Variants in CCDC81 observed in about 807,000 individuals in gnomAD.
The protein encoded by CCDC81 is coiled-coil domain containing 81.
Under a neutral mutation model 83.7 loss-of-function variants are expected in CCDC81, and 79 were observed. The ratio of observed to expected loss-of-function variants is 0.94; its 90% CI spans 0.79 to 1.14. The LOEUF is 1.14. Among genes scored for constraint, CCDC81 ranks in the 50% most tolerant of loss-of-function variants. The pLI, the probability that CCDC81 is intolerant of heterozygous loss-of-function variation, is 0.00. For missense variants in CCDC81, 791 were observed against 778.1 expected (o/e 1.02, Z -0.20); for synonymous variants, 252 against 278.1 (o/e 0.91, Z 0.93).
chr11:86,389,951 A>G (rs755224951), intron 3 of CCDC81, among the ~76,000 whole-genome samples: 1 of 152,084 alleles, frequency 6.6e-6, no homozygotes, highest in Admixed American at 6.5e-5. Flanking sequence ...TAAAAATACA[A>G]AAAACTAGCT....
At chr11:86,390,484 G>A (rs1948312627) in intron 3 of CCDC81, among the ~76,000 whole-genome samples, 1 of 152,180 alleles carries the variant, frequency 6.6e-6, no homozygotes, top group Non-Finnish European at 1.5e-5. Context: ...TAGGCACTGA[G>A]GAGCCATTGA....
rs140461165 is a variant in CCDC81, at chr11:86,410,505, C to T, written c.1218+1140C>T. Among the ~76,000 whole-genome samples the T allele has an allele frequency of 3.3e-3, 505 of 152,180 alleles. 2 individuals are homozygous for T. The highest frequency in any genetic ancestry group is 0.012 in the African/African-American group (480 of 41,514). On this transcript the variant is annotated intron_variant, in intron 10 of 14. Coordinates refer to ENST00000445632, the MANE Select transcript of CCDC81 (RefSeq NM_001156474.2). ...AGATCTGGAAAGACTTTCTGACATA[C>T]AAGAGTTAGGTAAAGAAATCAAGGG...
At chr11:86,410,001 C>A (rs2138532814) in intron 10 of CCDC81, among the ~76,000 whole-genome samples, 1 of 152,318 alleles carries the variant, frequency 6.6e-6, no homozygotes, top group African/African-American at 2.4e-5. Flanking sequence ...TCAGCATTGC[C>A]TGGGAACTTG....
intron 11 of CCDC81, 143 bp downstream of exon 11, chr11:86,412,702 C>A (rs1948662857): frequency 2.6e-6 from 2 of 759,434 alleles, no homozygotes; most frequent in Non-Finnish European, 4.2e-6. Context: ...GCAGCCAGTA[C>A]TGAAATGGGA....
chr11:86,386,031 TG>T lies in CCDC81; in HGVS notation c.80-18del. On this transcript the variant is annotated intron_variant, in intron 1 of 14. Coordinates refer to ENST00000445632, the MANE Select transcript of CCDC81 (RefSeq NM_001156474.2). ...GTGCGCATATAAATTGAATAATTTC[TG>T]GTTACTTTTGAATTTCAGAAGTCTC... 1 of 1,412,314 alleles carries T rather than the reference TG, an allele frequency of 7.1e-7. No homozygotes were observed. Among genetic ancestry groups the T allele is most frequent in the South Asian group, 1.2e-5 (1 of 80,052 alleles). 87.5% of individuals were successfully genotyped at this position (1,412,314 alleles called of 1,614,324 possible). A position where few individuals can be genotyped will look rare whatever the true frequency, so the allele number is the denominator to read the frequency against.
chr11:86,386,071 A>G lies in CCDC81; in HGVS notation c.100A>G (p.Asn34Asp). 6.6e-7 allele frequency: 1 copy of G among 1,522,380 alleles called. No homozygotes were observed. Among genetic ancestry groups the G allele is most frequent in the South Asian group, 1.2e-5 (1 of 80,118 alleles). The allele number at this position is 1,522,380 out of a possible 1,614,324, so 94.3% of individuals were successfully genotyped here. The change falls in exon 2 of 15, where the codon AAT (asparagine) becomes GAT (aspartate). Residue 34 changes from asparagine (N) to aspartate (D), a missense_variant. By Grantham distance (23) the Asn-to-Asp change is conservative. Coordinates refer to ENST00000445632, the MANE Select transcript of CCDC81 (RefSeq NM_001156474.2). ...TTCAGAAGTCTCTATTATCTGGGGG[A>G]ATGTATCAGAATTTGTGAGACGGCA... ...SQEEVSIIWG[N>D]VSEFVRRQLT...
chr11:86,417,757 TG>T (rs1161301275), intron 13 of CCDC81, among the ~76,000 whole-genome samples: 2 of 151,952 alleles, frequency 1.3e-5, no homozygotes, highest in Non-Finnish European at 2.9e-5. Flanking sequence ...TTTTTTTTTT[TG>T]TTTTTTTGAG....
intron 7 of CCDC81, among the ~76,000 whole-genome samples, chr11:86,407,237 G>A (rs1948576934): frequency 6.6e-6 from 1 of 152,202 alleles, no homozygotes; most frequent in African/African-American, 2.4e-5. Flanking sequence ...TGAGGGCAGG[G>A]ACTTTTGTAT....
chr11:86,378,360 A>G (rs1407932769), intron 1 of CCDC81, among the ~76,000 whole-genome samples: 2 of 151,478 alleles, frequency 1.3e-5, no homozygotes, highest in African/African-American at 4.9e-5. Context: ...ATCCTTTTCT[A>G]TTTGTTAAGG....
At position 86,422,974 on chromosome 11, in the gene CCDC81, G is replaced by A. The variant is rs1325071017; in HGVS notation, c.*259G>A. 2.6e-6 allele frequency: 1 copy of A among 389,440 alleles called. No individual in the cohort carries two copies. Among genetic ancestry groups the A allele is most frequent in the Non-Finnish European group, 4.6e-6 (1 of 216,520 alleles). The allele number at this position is 389,440 out of a possible 1,614,324, so 24.1% of individuals were successfully genotyped here. A position where few individuals can be genotyped will look rare whatever the true frequency, so the allele number is the denominator to read the frequency against. ...GGCTAGAACCTGCTGCACAGGGGCTGGGAATGGGATCCAGCTTCATTATGG... is the reference window on the plus strand; with the variant it reads ...GGCTAGAACCTGCTGCACAGGGGCTAGGAATGGGATCCAGCTTCATTATGG... On this transcript the variant is annotated 3_prime_UTR_variant, in exon 15 of 15. Transcript: ENST00000445632.
Position 86,383,507 on chromosome 11 carries a change from C to T in CCDC81, c.80-2544C>T, listed in dbSNP as rs560512502. Among the ~76,000 whole-genome samples the T allele has an allele frequency of 1.2e-4, 19 of 152,114 alleles. No individual in the cohort carries two copies. The South Asian group carries it at 1.9e-3, about 15-fold the overall frequency. ...CGGTGTTTAAACATATGGTTTTGAG[C>T]GCATGGAATGTTAAGAATTTGAAGC... On this transcript the variant is annotated intron_variant, in intron 1 of 14. Transcript: ENST00000445632.
chr11:86,397,536 G>A, intron 5 of CCDC81, 85 bp from the exon 6 acceptor site: 2 of 1,497,476 alleles, frequency 1.3e-6, no homozygotes, highest in Non-Finnish European at 8.9e-7. Flanking sequence ...CAGCCAGCTG[G>A]CTGGGTTGCT....
intron 1 of CCDC81, among the ~76,000 whole-genome samples, chr11:86,380,968 G>C (rs1396240754): frequency 6.6e-6 from 1 of 151,896 alleles, no homozygotes; most frequent in Non-Finnish European, 1.5e-5. Flanking sequence ...TGTATGTTTT[G>C]CCTTTTAGTA....
At position 86,375,097 on chromosome 11, in the gene CCDC81, T is replaced by G; in HGVS notation, c.-67T>G. 2 of 1,369,070 alleles carry G rather than the reference T, an allele frequency of 1.5e-6. No homozygotes were observed. The highest frequency in any genetic ancestry group is 4.6e-5 in the East Asian group (2 of 43,776). The allele number at this position is 1,369,070 out of a possible 1,614,324, so 84.8% of individuals were successfully genotyped here. On this transcript the variant is annotated 5_prime_UTR_variant, in exon 1 of 15. Transcript: ENST00000445632. Reference sequence around the variant, plus strand: ...CTGGAGGGTGGGAAAATTATTTTTGTGCACATTCCATATAAGAAAGAAGAG... The same window carrying G: ...CTGGAGGGTGGGAAAATTATTTTTGGGCACATTCCATATAAGAAAGAAGAG...
intron 1 of CCDC81, 25 bp downstream of exon 1, chr11:86,375,267 T>A (rs759864896): frequency 6.3e-7 from 1 of 1,592,592 alleles, no homozygotes; most frequent in Non-Finnish European, 8.6e-7. Context: ...TAGCAGGGGG[T>A]GGCCCTGGGG....
At chr11:86,375,624 A>C (rs776891674) in intron 1 of CCDC81, among the ~76,000 whole-genome samples, 2 of 152,186 alleles carry the variant, frequency 1.3e-5, no homozygotes, top group Non-Finnish European at 2.9e-5. Flanking sequence ...AGTTCATGCA[A>C]AGACGGTTGA....
At chr11:86,399,448 T>G (rs950415190) in intron 6 of CCDC81, among the ~76,000 whole-genome samples, 3 of 152,118 alleles carry the variant, frequency 2.0e-5, no homozygotes, top group African/African-American at 4.8e-5. Flanking sequence ...CCTGAGTAGC[T>G]AGGACCACAG....
rs566729130 is a variant in CCDC81 at position 86,411,871 on chromosome 11, A to G, written c.1219-516A>G. On this transcript the variant is annotated intron_variant, in intron 10 of 14. Transcript: ENST00000445632. ...ATCTGAGTTTCTTCCTCAGAAAAGA[A>G]CCACTAGGCCTTCCAAAAAGTGTCA... 4.1e-4 allele frequency among the ~76,000 whole-genome samples: 62 copies of G among 152,342 alleles called. 1 individual carries two copies. In the South Asian group the frequency reaches 0.012, roughly 30 times the overall value.
rs1359156928 is a variant in CCDC81 at position 86,407,624 on chromosome 11, C to A, written c.892C>A (p.Pro298Thr). Residue 298 changes from proline to threonine, a missense_variant, in exon 8 of 15, where the codon CCA becomes ACA. Physicochemically the swap from Pro to Thr is conservative, Grantham distance 38. Transcript: ENST00000445632. The stretch of plus-strand genomic sequence containing the variant: ...GCATTGTTTTTATAGCTTATCATAT[C>A]CAAGTTGTCTGAAACACGACAGTGA... ...KIMTPESLSY[P>T]SCLKHDSEMK... is the part of the protein sequence containing the mutation. 6.2e-7 allele frequency: 1 copy of A among 1,611,616 alleles called. No individual in the cohort carries two copies. Among genetic ancestry groups the A allele is most frequent in the Non-Finnish European group, 8.5e-7 (1 of 1,178,180 alleles).
Sources: gnomAD v4.1 joint callset for allele counts (sites outside exome capture counted in the v4.1 genomes callset) on GRCh38, gnomAD v4.1.1 for gene constraint, MANE v1.5 for transcripts, NCBI Gene and HGNC (gene_info 2026-07-23, HGNC 2026-07-21) for gene names.